RNLS: variants seen among roughly 807,000 people sequenced by gnomAD.
RNLS encodes the protein renalase.
A neutral mutation model predicts 39.8 loss-of-function variants in RNLS; 39 were observed. That is an observed-to-expected ratio of 0.98 (90% CI 0.76 to 1.28). RNLS has a LOEUF of 1.28. Among genes scored for constraint, RNLS ranks in the 50% most tolerant of loss-of-function variants. The pLI, the probability that RNLS is intolerant of heterozygous loss-of-function variation, is 0.00. For synonymous variants in RNLS, 147 were observed against 150.7 expected, an observed-to-expected ratio of 0.98 and a Z score of 0.18; for missense variants, 410 against 413.3, an observed-to-expected ratio of 0.99 and a Z score of 0.07.
At chr10:88,401,156 C>T (rs923962022) in intron 4 of RNLS, among the ~76,000 whole-genome samples, 3 of 151,886 alleles carry the variant, frequency 2.0e-5, no homozygotes, top group Non-Finnish European at 4.4e-5. Context: ...GAAAGACACA[C>T]TTCAGAGAAA....
At chr10:88,360,776 A>G (rs1304712415) in intron 5 of RNLS, among the ~76,000 whole-genome samples, 3 of 152,088 alleles carry the variant, frequency 2.0e-5, no homozygotes, top group Non-Finnish European at 4.4e-5. Context: ...GTTCAGTGTG[A>G]CTCCAACAGC....
chr10:88,328,762 C>T (rs1846841922), intron 5 of RNLS, among the ~76,000 whole-genome samples: 1 of 151,788 alleles, frequency 6.6e-6, no homozygotes, highest in South Asian at 2.1e-4. Flanking sequence ...TATTTTATTT[C>T]TTTGGTTCTA....
intron 4 of RNLS, among the ~76,000 whole-genome samples, chr10:88,546,478 T>C (rs1454594866): frequency 6.6e-6 from 1 of 152,170 alleles, no homozygotes; most frequent in Non-Finnish European, 1.5e-5. Flanking sequence ...TTCCCTGATT[T>C]ATGTTAACTT....
chr10:88,247,185 G>C, the RNLS span, among the ~76,000 whole-genome samples: 986 of 152,248 alleles, frequency 6.5e-3, 8 homozygotes, highest in Middle Eastern at 0.024. Context: ...CCCTGATAAA[G>C]ACAGGGCATT....
chr10:88,463,712 A>T (rs1169042), intron 4 of RNLS, among the ~76,000 whole-genome samples: 27,397 of 152,000 alleles, frequency 0.18, 2,968 homozygotes, highest in Non-Finnish European at 0.26. Context: ...CAAACATATA[A>T]TAAATAATTT....
the RNLS span, among the ~76,000 whole-genome samples, chr10:88,187,700 G>A: frequency 6.6e-6 from 1 of 152,174 alleles, no homozygotes; most frequent in Non-Finnish European, 1.5e-5. Flanking sequence ...ATTTAGGGAA[G>A]TATTAGCTAC....
At chr10:88,176,852 G>C in the RNLS span, among the ~76,000 whole-genome samples, 9 of 152,320 alleles carry the variant, frequency 5.9e-5, no homozygotes, top group Non-Finnish European at 1.2e-4. Flanking sequence ...ATTTCTGAGA[G>C]ATAGCTTTGC....
At chr10:88,234,988 G>A in the RNLS span, among the ~76,000 whole-genome samples, 9 of 151,948 alleles carry the variant, frequency 5.9e-5, no homozygotes, top group African/African-American at 9.7e-5. Flanking sequence ...TGGGCCGGGC[G>A]CGGTGGCTCA....
intron 6 of RNLS, among the ~76,000 whole-genome samples, chr10:88,309,104 C>T (rs955435643): frequency 1.3e-5 from 2 of 152,008 alleles, no homozygotes; most frequent in African/African-American, 4.8e-5. Context: ...GGGAACAATA[C>T]ACCCAAGGGC....
chr10:88,187,046 C>A, the RNLS span, among the ~76,000 whole-genome samples: 1 of 149,968 alleles, frequency 6.7e-6, no homozygotes, highest in Non-Finnish European at 1.5e-5. Flanking sequence ...CCGGGTGTTT[C>A]TGGGACTAGG....
chr10:88,381,558 T>C (rs1221459493), intron 4 of RNLS, among the ~76,000 whole-genome samples: 1 of 151,992 alleles, frequency 6.6e-6, no homozygotes, highest in East Asian at 1.9e-4. Flanking sequence ...TTATTAGTGA[T>C]AATAGGCTTT....
chr10:88,245,701 T>C, the RNLS span, among the ~76,000 whole-genome samples: 1 of 152,200 alleles, frequency 6.6e-6, no homozygotes, highest in Admixed American at 6.5e-5. Context: ...AAATGTCTCC[T>C]TTCTAATTTA....
At chr10:88,271,211 T>C (rs911335604), downstream of RNLS, among the ~76,000 whole-genome samples, 18 of 152,202 alleles carry the variant, frequency 1.2e-4, no homozygotes, top group Non-Finnish European at 2.1e-4. Flanking sequence ...TGCGAAAATG[T>C]CACTGGGTAC....
chr10:88,375,262 G>A (rs1361368660), intron 4 of RNLS, among the ~76,000 whole-genome samples: 1 of 152,050 alleles, frequency 6.6e-6, no homozygotes, highest in Non-Finnish European at 1.5e-5. Context: ...TGGCTTTAAT[G>A]CTTAGAGTTG....
At chr10:88,563,410 T>G (rs1019676876) in intron 4 of RNLS, among the ~76,000 whole-genome samples, 1 of 152,158 alleles carries the variant, frequency 6.6e-6, no homozygotes, top group Admixed American at 6.6e-5. Flanking sequence ...TCAAACTGGT[T>G]TACTACATTA....
chr10:88,444,673 T>G (rs572585088), intron 4 of RNLS, among the ~76,000 whole-genome samples: 1 of 152,020 alleles, frequency 6.6e-6, no homozygotes, highest in African/African-American at 2.4e-5. Flanking sequence ...ACATGATGAA[T>G]GCACAAGCTT....
chr10:88,577,161 T>C (rs925850180), intron 3 of RNLS, among the ~76,000 whole-genome samples: 5 of 152,132 alleles, frequency 3.3e-5, no homozygotes, highest in Non-Finnish European at 7.4e-5. Flanking sequence ...TCCCCCTATG[T>C]CAGGAATTAA....
chr10:88,267,527 A>G, the RNLS span, among the ~76,000 whole-genome samples: 1 of 152,210 alleles, frequency 6.6e-6, no homozygotes, highest in African/African-American at 2.4e-5. Flanking sequence ...GTGAGCTACA[A>G]TCACACCACT....
chr10:88,533,814 C>T (rs72820074), intron 4 of RNLS, among the ~76,000 whole-genome samples: 11,080 of 152,112 alleles, frequency 0.073, 579 homozygotes, highest in Admixed American at 0.14. Flanking sequence ...CAAGTAGAAT[C>T]CCACAAATAG....
Sources: allele counts gnomAD v4.1 joint callset (sites outside exome capture counted in the v4.1 genomes callset), GRCh38; gene constraint gnomAD v4.1.1; transcripts MANE v1.5; gene names NCBI Gene and HGNC (gene_info 2026-07-23, HGNC 2026-07-21).